Variants in IL21R observed in about 807,000 individuals in gnomAD.
IL21R encodes interleukin 21 receptor, also known as interleukin-21 receptor.
Under a neutral mutation model 41.3 loss-of-function variants are expected in IL21R, and 14 were observed. The ratio of observed to expected loss-of-function variants is 0.34; its 90% confidence interval spans 0.22 to 0.53. IL21R has a LOEUF of 0.53. Ranked by LOEUF, IL21R falls within the 20% of genes least tolerant of loss-of-function variation. IL21R has a pLI of 0.94. For synonymous variants in IL21R, 286 were observed against 287.6 expected (o/e 0.99, Z 0.05); for missense variants, 588 against 681.6 (o/e 0.86, Z 1.53).
chr16:27,415,342 A>T (rs1049739212), intron 1 of IL21R, among the ~76,000 whole-genome samples: 3 of 152,250 alleles, frequency 2.0e-5, no homozygotes, highest in Admixed American at 1.3e-4. Flanking sequence ...ATTTCCTCAC[A>T]TAATTGTAAC....
chr16:27,420,653 C>T (rs186256071), intron 1 of IL21R, among the ~76,000 whole-genome samples: 1 of 152,248 alleles, frequency 6.6e-6, no homozygotes, highest in African/African-American at 2.4e-5. Context: ...AATTTTAATT[C>T]TTGCCTTTTA....
intron 4 of IL21R, among the ~76,000 whole-genome samples, chr16:27,441,046 CAAAAAAAAAA>C (rs35321284): frequency 1.5e-5 from 1 of 68,380 alleles, no homozygotes; most frequent in African/African-American, 5.1e-5. Context: ...GATTCTGTCT[CAAAAAAAAAA>C]AAAAAAAAAA....
rs185275129 is a variant in IL21R, at chr16:27,449,503, G to A, written c.*220G>A. On this transcript the variant is annotated 3_prime_UTR_variant, in exon 9 of 9. Coordinates refer to ENST00000337929, the MANE Select transcript of IL21R (RefSeq NM_181078.3). ...CTTAGGTGCGCAGTGGCATGTCCACGTGTGTGTGTGATTGCACGTGCCTGT... is the reference window on the plus strand; with the variant it reads ...CTTAGGTGCGCAGTGGCATGTCCACATGTGTGTGTGATTGCACGTGCCTGT... The A allele has an allele frequency of 1.7e-5, 10 of 573,010 alleles. No individual in the cohort carries two copies. Among genetic ancestry groups the A allele is most frequent in the Admixed American group, 1.0e-4 (3 of 30,116 alleles). The allele number at this position is 573,010 out of a possible 1,614,324, so 35.5% of individuals were successfully genotyped here.
intron 5 of IL21R, among the ~76,000 whole-genome samples, chr16:27,443,715 G>A (rs766914971): frequency 3.6e-4 from 53 of 145,376 alleles, no homozygotes; most frequent in Non-Finnish European, 6.8e-4. Flanking sequence ...TCCAGGAGGC[G>A]GAGGTTGCAG....
Position 27,444,693 on chromosome 16 carries a change from C to A in IL21R, c.659C>A (p.Pro220Gln). 1 of 1,523,062 alleles carries A rather than the reference C, an allele frequency of 6.6e-7. No homozygotes were observed. The highest frequency in any genetic ancestry group is 8.8e-7 in the Non-Finnish European group (1 of 1,135,552). The allele number at this position is 1,523,062 out of a possible 1,614,324, so 94.3% of individuals were successfully genotyped here. The change falls in exon 6 of 9, where the codon CCG (proline) becomes CAG (glutamine). Residue 220 changes from proline to glutamine, a missense_variant. Coordinates refer to ENST00000337929, the MANE Select transcript of IL21R (RefSeq NM_181078.3). Reference protein sequence around the residue: ...YQGTWSEWSDPVIFQTQSEEL... With the variant: ...YQGTWSEWSDQVIFQTQSEEL... ...GGGACCTGGAGTGAATGGAGTGACC[C>A]GGTCATCTTTCAGACCCAGTCAGAG...
rs202213470 is a variant in IL21R, at chr16:27,424,084, C to CT, written c.-16-5964dup. Among the ~76,000 whole-genome samples, 435 of 151,728 alleles carry CT rather than the reference C, an allele frequency of 2.9e-3. 4 individuals carry two copies. Among genetic ancestry groups the CT allele is most frequent in the African/African-American group, 9.7e-3 (401 of 41,384 alleles). On this transcript the variant is annotated intron_variant, in intron 1 of 8. Transcript: ENST00000337929. Reference sequence around the variant, plus strand: ...TTTGTATTTCTTTTCTCTTCTTTTTCTTTTTTTTGAGATGGAGTCTCGCTC... The same window carrying CT: ...TTTGTATTTCTTTTCTCTTCTTTTTCTTTTTTTTTGAGATGGAGTCTCGCTC...
intron 4 of IL21R, 73 bp downstream of exon 4, chr16:27,437,760 T>G: frequency 8.0e-7 from 1 of 1,247,280 alleles, no homozygotes; most frequent in Non-Finnish European, 1.2e-6. Context: ...CTCTCTGGGC[T>G]CAGGTGATCC....
chr16:27,441,067 G>C (rs112209865), intron 4 of IL21R, among the ~76,000 whole-genome samples: 1 of 101,442 alleles, frequency 9.9e-6, no homozygotes, highest in Non-Finnish European at 2.0e-5. Context: ...AAAAAAAAAA[G>C]AAAGAAGAGA....
rs377487271 is a variant in IL21R, at chr16:27,402,471, G to C, written c.-164G>C. 4.6e-5 allele frequency: 7 copies of C among 152,828 alleles called. No individual in the cohort carries two copies. Among genetic ancestry groups the C allele is most frequent in the African/African-American group, 1.7e-4 (7 of 41,588 alleles). The allele number at this position is 152,828 out of a possible 1,614,324, so 9.5% of individuals were successfully genotyped here. On this transcript the variant is annotated 5_prime_UTR_variant, in exon 1 of 9. Transcript: ENST00000337929. ...GACAGCCTGATTGGTGACTCGGGCT[G>C]GGTGTGGATTCTCACCCCAGGCCTC...
chr16:27,420,875 A>G (rs2086989534), intron 1 of IL21R, among the ~76,000 whole-genome samples: 1 of 152,296 alleles, frequency 6.6e-6, no homozygotes, highest in Admixed American at 6.5e-5. Context: ...TTAAAAAACT[A>G]TTATTGTCTC....
chr16:27,442,212 ATG>A (rs936386497), intron 4 of IL21R, among the ~76,000 whole-genome samples: 1 of 150,642 alleles, frequency 6.6e-6, no homozygotes, highest in Non-Finnish European at 1.5e-5. Flanking sequence ...TTGGGTGTGC[ATG>A]TGTGGGCATG....
intron 7 of IL21R, 93 bp downstream of exon 7, chr16:27,445,369 C>A: frequency 2.5e-6 from 2 of 797,976 alleles, no homozygotes; most frequent in Non-Finnish European, 4.3e-6. Flanking sequence ...TGACTGTCAT[C>A]ATGGTAACAA....
chr16:27,417,437 G>T (rs1156960208), intron 1 of IL21R, among the ~76,000 whole-genome samples: 4 of 152,174 alleles, frequency 2.6e-5, no homozygotes, highest in African/African-American at 9.7e-5. Context: ...AGTATGCTGG[G>T]ATTACAGGCA....
At chr16:27,422,140 A>G (rs552357333) in intron 1 of IL21R, among the ~76,000 whole-genome samples, 2 of 152,192 alleles carry the variant, frequency 1.3e-5, no homozygotes, top group African/African-American at 4.8e-5. Context: ...TCATTTTGTT[A>G]AAAAGTCCCC....
chr16:27,413,150 C>T (rs553910981), intron 1 of IL21R, among the ~76,000 whole-genome samples: 1 of 152,086 alleles, frequency 6.6e-6, no homozygotes, highest in African/African-American at 2.4e-5. Context: ...TTTCTAGTTC[C>T]TTGAATGTTT....
chr16:27,417,243 C>A (rs1370084549), intron 1 of IL21R, among the ~76,000 whole-genome samples: 1 of 148,344 alleles, frequency 6.7e-6, no homozygotes, highest in Non-Finnish European at 1.5e-5. Flanking sequence ...CTCACTGTAG[C>A]CTCAAACTCT....
chr16:27,447,290 G>A (rs556851479), intron 8 of IL21R, among the ~76,000 whole-genome samples: 5 of 151,804 alleles, frequency 3.3e-5, no homozygotes, highest in Admixed American at 2.6e-4. Context: ...TAATCCTCAC[G>A]ACGGCCCTAC....
chr16:27,403,225 G>A (rs1221811809), intron 1 of IL21R: 4 of 1,335,416 alleles, frequency 3.0e-6, no homozygotes, highest in Non-Finnish European at 3.9e-6. Flanking sequence ...CGGATGGTAA[G>A]AGGCCAACCC....
At chr16:27,416,983 A>G (rs77725077) in intron 1 of IL21R, among the ~76,000 whole-genome samples, 6,524 of 152,210 alleles carry the variant, frequency 0.043, 181 homozygotes, top group South Asian at 0.11. Context: ...ATAACATTCT[A>G]CTGCATGGAT....
Sources: allele counts gnomAD v4.1 joint callset (sites outside exome capture counted in the v4.1 genomes callset), GRCh38; gene constraint gnomAD v4.1.1; transcripts MANE v1.5; gene names NCBI Gene and HGNC (gene_info 2026-07-23, HGNC 2026-07-21).